Variants in RHBDD1 observed in about 807,000 individuals in gnomAD.
The protein encoded by RHBDD1 is rhomboid-related protein 4.
RHBDD1 carries 38 observed loss-of-function variants against 36.3 expected under a neutral mutation model. The ratio of observed to expected loss-of-function variants is 1.05; its 90% confidence interval spans 0.81 to 1.37. The LOEUF (loss-of-function observed/expected upper bound fraction) is 1.37, where lower values mean the gene tolerates loss of function less well. Ranked by LOEUF, RHBDD1 falls within the 40% of genes most tolerant of loss-of-function variation. The pLI is 0.00. For missense variants in RHBDD1, 393 were observed against 377.6 expected, an observed-to-expected ratio of 1.04 and a Z score of -0.34; for synonymous variants, 151 against 136.5, an observed-to-expected ratio of 1.11 and a Z score of -0.74.
intron 3 of RHBDD1, among the ~76,000 whole-genome samples, chr2:226,859,479 G>T (rs1008412063): frequency 3.9e-5 from 6 of 152,136 alleles, no homozygotes; most frequent in Non-Finnish European, 8.8e-5. Context: ...CATCGATTTT[G>T]GTATCTGTTG....
the RHBDD1 span, among the ~76,000 whole-genome samples, chr2:226,820,180 T>C: frequency 5.3e-5 from 8 of 152,166 alleles, no homozygotes; most frequent in South Asian, 1.2e-3. Context: ...AGGATAAAAG[T>C]AGTTTGATGA....
At chr2:226,855,754 A>G (rs1184264400) in intron 3 of RHBDD1, among the ~76,000 whole-genome samples, 10 of 152,242 alleles carry the variant, frequency 6.6e-5, no homozygotes, top group Non-Finnish European at 7.3e-5. Flanking sequence ...CTGTGAATAG[A>G]TACTGGAATA....
intron 8 of RHBDD1, among the ~76,000 whole-genome samples, chr2:226,964,574 A>C (rs144157810): frequency 6.6e-6 from 1 of 152,164 alleles, no homozygotes; most frequent in Non-Finnish European, 1.5e-5. Flanking sequence ...GCAACTTCCA[A>C]ATTTATCTCT....
chr2:226,921,310 G>T (rs1457325729), intron 8 of RHBDD1, among the ~76,000 whole-genome samples: 1 of 151,880 alleles, frequency 6.6e-6, no homozygotes, highest in Non-Finnish European at 1.5e-5. Context: ...TTTTTGTCAT[G>T]AATCTTTTGT....
chr2:226,975,369 A>G (rs1170277370), intron 8 of RHBDD1, among the ~76,000 whole-genome samples: 1 of 152,224 alleles, frequency 6.6e-6, no homozygotes, highest in Non-Finnish European at 1.5e-5. Context: ...TTTGTCAATT[A>G]GACCTCAATA....
intron 8 of RHBDD1, among the ~76,000 whole-genome samples, chr2:226,966,455 G>T (rs1443392717): frequency 6.6e-6 from 1 of 152,154 alleles, no homozygotes; most frequent in Non-Finnish European, 1.5e-5. Context: ...CAACATGGGA[G>T]CCACTAGCCA....
At chr2:226,985,953 G>A (rs1956845321) in intron 8 of RHBDD1, among the ~76,000 whole-genome samples, 1 of 152,232 alleles carries the variant, frequency 6.6e-6, no homozygotes, top group African/African-American at 2.4e-5. Flanking sequence ...AGTTCAAAGT[G>A]GAGAAAACTG....
intron 7 of RHBDD1, among the ~76,000 whole-genome samples, chr2:226,911,541 CTTTTT>C (rs869309466): frequency 2.8e-5 from 2 of 71,434 alleles, no homozygotes; most frequent in African/African-American, 9.0e-5. Context: ...TGTGAAAGTT[CTTTTT>C]TTTTTTTTTT....
chr2:226,910,839 G>C (rs1353624260), intron 7 of RHBDD1, among the ~76,000 whole-genome samples: 2 of 152,096 alleles, frequency 1.3e-5, no homozygotes, highest in African/African-American at 2.4e-5. Flanking sequence ...GAGGAGATCT[G>C]TTCTCATTAT....
intron 5 of RHBDD1, chr2:226,895,588 A>G (rs1334394050): frequency 1.3e-6 from 1 of 771,390 alleles, no homozygotes; most frequent in African/African-American, 1.9e-5. Context: ...GTCGGGGGAG[A>G]TTCTTGTCCA....
intron 3 of RHBDD1, among the ~76,000 whole-genome samples, chr2:226,855,519 C>T (rs773497615): frequency 1.3e-5 from 2 of 152,128 alleles, no homozygotes; most frequent in Non-Finnish European, 2.9e-5. Flanking sequence ...ACAAAAAACC[C>T]TCTAGGTTTG....
At chr2:226,882,619 G>A (rs759960622) in intron 5 of RHBDD1, among the ~76,000 whole-genome samples, 9 of 151,014 alleles carry the variant, frequency 6.0e-5, no homozygotes, top group Non-Finnish European at 8.8e-5. Context: ...ACCGCCCCCC[G>A]CCCCGAACCT....
intron 8 of RHBDD1, among the ~76,000 whole-genome samples, chr2:226,981,837 G>A (rs1343735853): frequency 6.6e-6 from 1 of 152,182 alleles, no homozygotes; most frequent in East Asian, 1.9e-4. Context: ...GGGGTGCAGA[G>A]AGCAAGGGCT....
intron 5 of RHBDD1, among the ~76,000 whole-genome samples, chr2:226,893,963 GGGGGGA>G (rs1356827524): frequency 6.6e-6 from 1 of 152,164 alleles, no homozygotes; most frequent in Non-Finnish European, 1.5e-5. Context: ...AGCAGTTTTT[GGGGGGA>G]CATGGATTTA....
At chr2:226,850,057 A>C (rs1261580315) in intron 3 of RHBDD1, among the ~76,000 whole-genome samples, 1 of 152,236 alleles carries the variant, frequency 6.6e-6, no homozygotes, top group Non-Finnish European at 1.5e-5. Flanking sequence ...ACAGTAATGC[A>C]CAATAATAAT....
intron 8 of RHBDD1, among the ~76,000 whole-genome samples, chr2:226,974,840 C>T (rs757211121): frequency 2.0e-5 from 3 of 152,168 alleles, no homozygotes; most frequent in Non-Finnish European, 4.4e-5. Context: ...TTGGAGATCA[C>T]TCTTTTCAGG....
chr2:226,977,205 C>T (rs539414619), intron 8 of RHBDD1, among the ~76,000 whole-genome samples: 3 of 152,284 alleles, frequency 2.0e-5, no homozygotes, highest in African/African-American at 7.2e-5. Context: ...TCTCTGGTTT[C>T]CCAGTTCAGT....
At chr2:226,948,564 T>TAAAAAAAAAAAAAAAAAAAAAAGAAA (rs56325989) in intron 8 of RHBDD1, among the ~76,000 whole-genome samples, 22 of 23,260 alleles carry the variant, frequency 9.5e-4, no homozygotes, top group Non-Finnish European at 1.3e-3. Context: ...ACTTAAAGTA[T>TAAAAAAAAAAAAAAAAAAAAAAGAAA]AAAAAAAAAA....
the RHBDD1 span, among the ~76,000 whole-genome samples, chr2:226,812,682 A>T: frequency 1.3e-5 from 2 of 151,598 alleles, no homozygotes; most frequent in African/African-American, 4.8e-5. Context: ...GCTTTTATAT[A>T]CACAGAAAAA....
Sources: gnomAD v4.1 joint callset for allele counts (sites outside exome capture counted in the v4.1 genomes callset) on GRCh38, gnomAD v4.1.1 for gene constraint, MANE v1.5 for transcripts, NCBI Gene and HGNC (gene_info 2026-07-23, HGNC 2026-07-21) for gene names.